The following SGCD variants were observed in gnomAD, a reference collection of about 807,000 sequenced individuals.
SGCD encodes delta-sarcoglycan.
SGCD carries 18 observed loss-of-function variants against 36.6 expected under a neutral mutation model. The observed-to-expected ratio is 0.49, with a 90% CI of 0.34 to 0.73. The LOEUF is 0.73. Among genes scored for constraint, SGCD ranks in the 30% least tolerant of loss-of-function variants. SGCD has a pLI of 0.01. For missense variants in SGCD, 387 were observed against 346.7 expected (o/e 1.12, Z -0.92); for synonymous variants, 133 against 130.6 (o/e 1.02, Z -0.12).
At chr5:156,024,433 G>GT (rs145219746) in intron 1 of SGCD, among the ~76,000 whole-genome samples, 8,543 of 151,712 alleles carry the variant, frequency 0.056, 363 homozygotes, top group Non-Finnish European at 0.087. Flanking sequence ...ATAAAATTCA[G>GT]TTTTTTGCAT....
intron 1 of SGCD, among the ~76,000 whole-genome samples, chr5:156,079,900 A>G (rs1760905355): frequency 6.6e-6 from 1 of 152,154 alleles, no homozygotes; most frequent in Non-Finnish European, 1.5e-5. Context: ...GCTCCACTAC[A>G]CAGTGCCCAC....
At chr5:156,372,730 A>C (rs1281724035) in intron 3 of SGCD, among the ~76,000 whole-genome samples, 1 of 152,210 alleles carries the variant, frequency 6.6e-6, no homozygotes, top group Non-Finnish European at 1.5e-5. Context: ...CCTCCTACAA[A>C]TTAGACATTT....
intron 3 of SGCD, among the ~76,000 whole-genome samples, chr5:156,439,399 A>G (rs1017846363): frequency 3.9e-5 from 6 of 152,062 alleles, no homozygotes; most frequent in Non-Finnish European, 7.4e-5. Flanking sequence ...TCTTGGGGAA[A>G]CTTAGTACTT....
chr5:155,975,349 T>C (rs1442353458), intron 1 of SGCD, among the ~76,000 whole-genome samples: 1 of 152,084 alleles, frequency 6.6e-6, no homozygotes, highest in South Asian at 2.1e-4. Flanking sequence ...TTTGGCAGTA[T>C]CTGGAGACTT....
rs543833452 is a variant in SGCD at position 156,574,577 on chromosome 5, A to T, written c.295-14654A>T. On this transcript the variant is annotated intron_variant, in intron 4 of 8. Coordinates refer to ENST00000337851, the MANE Select transcript of SGCD (RefSeq NM_000337.6). ...CCCTAATTAACCACAACAGCACACC[A>T]CAAAGAAAGGCTCGAGTAACCCCAG... Among the ~76,000 whole-genome samples, 4 of 152,220 alleles carry T rather than the reference A, an allele frequency of 2.6e-5. No individual in the cohort carries two copies. In the East Asian group the frequency reaches 7.7e-4, roughly 29 times the overall value.
At chr5:156,359,351 G>C (rs926994375) in intron 3 of SGCD, among the ~76,000 whole-genome samples, 1 of 152,134 alleles carries the variant, frequency 6.6e-6, no homozygotes, top group Non-Finnish European at 1.5e-5. Flanking sequence ...TTAATTAATA[G>C]GATAACATGT....
chr5:156,320,312 G>A (rs1295132935), intron 3 of SGCD, among the ~76,000 whole-genome samples: 1 of 152,152 alleles, frequency 6.6e-6, no homozygotes, highest in African/African-American at 2.4e-5. Flanking sequence ...CATTTTTTAA[G>A]CACAGGTCTT....
intron 3 of SGCD, among the ~76,000 whole-genome samples, chr5:156,317,047 A>T (rs1187477445): frequency 6.6e-6 from 1 of 152,150 alleles, no homozygotes; most frequent in Admixed American, 6.5e-5. Context: ...CATAAGAATT[A>T]ATTGTGATAA....
At chr5:155,979,590 G>A (rs1023774206) in intron 1 of SGCD, among the ~76,000 whole-genome samples, 3 of 152,194 alleles carry the variant, frequency 2.0e-5, no homozygotes, top group Non-Finnish European at 1.5e-5. Flanking sequence ...CAACACCATG[G>A]GGAGTGATGA....
chr5:156,530,021 G>A (rs1757820676), intron 4 of SGCD, among the ~76,000 whole-genome samples: 1 of 152,220 alleles, frequency 6.6e-6, no homozygotes, highest in Non-Finnish European at 1.5e-5. Flanking sequence ...GAAGAAGAGA[G>A]AGAGTGACAC....
At chr5:156,597,502 T>C (rs1760975660) in intron 6 of SGCD, among the ~76,000 whole-genome samples, 1 of 152,170 alleles carries the variant, frequency 6.6e-6, no homozygotes, top group South Asian at 2.1e-4. Context: ...TGAGACTTAT[T>C]CACGATCATA....
intron 7 of SGCD, among the ~76,000 whole-genome samples, chr5:156,710,262 T>C (rs1315072875): frequency 6.6e-6 from 1 of 152,224 alleles, no homozygotes; most frequent in Non-Finnish European, 1.5e-5. Flanking sequence ...GTGCCAATTC[T>C]GACACTCTCA....
intron 7 of SGCD, among the ~76,000 whole-genome samples, chr5:156,706,956 TCTTA>T (rs1451069724): frequency 7.2e-5 from 11 of 152,342 alleles, no homozygotes; most frequent in African/African-American, 2.4e-4. Context: ...TTCTGTCATT[TCTTA>T]CTTAAAGTAA....
the SGCD span, among the ~76,000 whole-genome samples, chr5:155,800,923 A>C: frequency 6.6e-6 from 1 of 152,148 alleles, no homozygotes; most frequent in Admixed American, 6.6e-5. Flanking sequence ...TGTGTTCACC[A>C]CAGTTAAATC....
At chr5:156,572,175 C>G (rs372623875) in intron 4 of SGCD, among the ~76,000 whole-genome samples, 86 of 152,198 alleles carry the variant, frequency 5.7e-4, no homozygotes, top group African/African-American at 2.0e-3. Flanking sequence ...TGTTTCCGCC[C>G]TTTGATTATT....
intron 1 of SGCD, among the ~76,000 whole-genome samples, chr5:155,975,425 C>T (rs1225188104): frequency 6.6e-6 from 1 of 151,914 alleles, no homozygotes; most frequent in African/African-American, 2.4e-5. Flanking sequence ...GACGGTCCCC[C>T]AAGCAAAGAA....
the SGCD span, among the ~76,000 whole-genome samples, chr5:155,810,151 T>G: frequency 6.6e-6 from 1 of 152,246 alleles, no homozygotes; most frequent in Non-Finnish European, 1.5e-5. Flanking sequence ...GGATATTAAC[T>G]GACAGGTTGT....
intron 3 of SGCD, among the ~76,000 whole-genome samples, chr5:156,220,804 C>G (rs1387235313): frequency 6.6e-6 from 1 of 152,162 alleles, no homozygotes. Flanking sequence ...CCCACAAACT[C>G]ATCTTTGCCC....
intron 3 of SGCD, among the ~76,000 whole-genome samples, chr5:156,428,609 T>C (rs1773778705): frequency 6.6e-6 from 1 of 152,120 alleles, no homozygotes; most frequent in Non-Finnish European, 1.5e-5. Context: ...GTTTCTCTAG[T>C]TCCTTGAAGT....
Sources: allele counts gnomAD v4.1 joint callset (sites outside exome capture counted in the v4.1 genomes callset), GRCh38; gene constraint gnomAD v4.1.1; transcripts MANE v1.5; gene names NCBI Gene and HGNC (gene_info 2026-07-23, HGNC 2026-07-21).